ZFHX3: variants seen among roughly 807,000 people sequenced by gnomAD.
ZFHX3 encodes zinc finger homeobox protein 3.
A neutral mutation model predicts 279.1 loss-of-function variants in ZFHX3; 42 were observed. The observed-to-expected ratio is 0.15, with a 90% CI of 0.12 to 0.19. ZFHX3 has a LOEUF of 0.19. Ranked by LOEUF, ZFHX3 falls within the 10% of genes least tolerant of loss-of-function variation. The probability of loss-of-function intolerance (pLI) is 1.00; values close to 1 mark genes in which losing one functional copy is unlikely to be tolerated. For synonymous variants in ZFHX3, 2,293 were observed against 1,957.8 expected, an observed-to-expected ratio of 1.17 and a Z score of -4.52; for missense variants, 4,981 against 4,754.0, an observed-to-expected ratio of 1.05 and a Z score of -1.40.
chr16:73,055,678 A>ACGCGCG (rs141836776), intron 1 of ZFHX3, among the ~76,000 whole-genome samples: 1 of 117,272 alleles, frequency 8.5e-6, no homozygotes, highest in Admixed American at 8.1e-5. Context: ...GTGCAGACGT[A>ACGCGCG]CGCGCGCGCG....
intron 3 of ZFHX3, among the ~76,000 whole-genome samples, chr16:73,338,553 A>G (rs2015961819): frequency 6.6e-6 from 1 of 152,118 alleles, no homozygotes; most frequent in South Asian, 2.1e-4. Flanking sequence ...CTACAAACAG[A>G]CTACAGTATC....
chr16:73,765,008 A>G (rs1314597085), intron 1 of ZFHX3, among the ~76,000 whole-genome samples: 1 of 151,858 alleles, frequency 6.6e-6, no homozygotes, highest in Non-Finnish European at 1.5e-5. Flanking sequence ...TCCCATCCCC[A>G]TTTTTCTCTA....
At chr16:73,363,209 C>T (rs1403422171) in intron 3 of ZFHX3, among the ~76,000 whole-genome samples, 1 of 152,234 alleles carries the variant, frequency 6.6e-6, no homozygotes, top group Non-Finnish European at 1.5e-5. Context: ...GAGCCTGGCT[C>T]AGGGCAGCAG....
chr16:73,298,836 G>A (rs1250811212), intron 4 of ZFHX3, among the ~76,000 whole-genome samples: 1 of 152,196 alleles, frequency 6.6e-6, no homozygotes, highest in Non-Finnish European at 1.5e-5. Context: ...GTTACTGATA[G>A]TGATGCCTGA....
chr16:73,079,922 G>A (rs1162138666), intron 8 of ZFHX3, among the ~76,000 whole-genome samples: 1 of 152,088 alleles, frequency 6.6e-6, no homozygotes, highest in South Asian at 2.1e-4. Context: ...TGGTCTTAGT[G>A]TCACCTTGTG....
intron 5 of ZFHX3, among the ~76,000 whole-genome samples, chr16:73,207,912 G>A (rs1226833392): frequency 6.6e-6 from 1 of 152,168 alleles, no homozygotes; most frequent in Admixed American, 6.6e-5. Flanking sequence ...AGAGCCAAAT[G>A]TATGTCCGTG....
chr16:73,091,286 G>A (rs942945092), intron 8 of ZFHX3, among the ~76,000 whole-genome samples: 2 of 151,904 alleles, frequency 1.3e-5, no homozygotes, highest in African/African-American at 4.8e-5. Flanking sequence ...GCAGTGTCAC[G>A]CTTTTCCAAA....
intron 1 of ZFHX3, among the ~76,000 whole-genome samples, chr16:73,057,403 CAATA>C (rs1965579613): frequency 6.6e-6 from 1 of 152,078 alleles, no homozygotes; most frequent in South Asian, 2.1e-4. Flanking sequence ...ATCTACTCTC[CAATA>C]GATATGCAAA....
At chr16:72,929,202 C>T (rs1343607191) in intron 3 of ZFHX3, among the ~76,000 whole-genome samples, 2 of 150,322 alleles carry the variant, frequency 1.3e-5, no homozygotes, top group Non-Finnish European at 2.9e-5. Context: ...GGCGCCACTG[C>T]ACTCCAGCCT....
At chr16:73,390,993 T>C (rs1203355924) in intron 3 of ZFHX3, among the ~76,000 whole-genome samples, 1 of 151,730 alleles carries the variant, frequency 6.6e-6, no homozygotes, top group Admixed American at 6.6e-5. Context: ...TTTTTTTTTT[T>C]AAACCAGCTA....
At chr16:73,321,639 A>G (rs1049733064) in intron 3 of ZFHX3, among the ~76,000 whole-genome samples, 2 of 152,340 alleles carry the variant, frequency 1.3e-5, no homozygotes, top group African/African-American at 4.8e-5. Context: ...CAGCTTGGAC[A>G]TATTTATTCC....
chr16:73,200,866 C>T (rs150464581), intron 5 of ZFHX3, among the ~76,000 whole-genome samples: 49 of 152,290 alleles, frequency 3.2e-4, no homozygotes, highest in Middle Eastern at 3.4e-3. Flanking sequence ...TTACCTGTTA[C>T]GCTCATGATT....
chr16:73,640,626 A>T (rs1050678611), intron 2 of ZFHX3, among the ~76,000 whole-genome samples: 3 of 152,212 alleles, frequency 2.0e-5, no homozygotes, highest in Admixed American at 6.5e-5. Flanking sequence ...TAGGAAGATA[A>T]AATTGAAGAA....
At chr16:73,480,586 T>C (rs1041542880) in intron 2 of ZFHX3, among the ~76,000 whole-genome samples, 5 of 152,164 alleles carry the variant, frequency 3.3e-5, no homozygotes, top group African/African-American at 9.7e-5. Flanking sequence ...GTGCCTGGAA[T>C]GTTTGCAGTG....
At chr16:73,467,473 T>C (rs1269497383) in intron 2 of ZFHX3, among the ~76,000 whole-genome samples, 1 of 152,198 alleles carries the variant, frequency 6.6e-6, no homozygotes, top group Non-Finnish European at 1.5e-5. Flanking sequence ...AAGATGTAGG[T>C]AGCAGGGAAG....
At position 72,793,497 on chromosome 16, in the gene ZFHX3, T is replaced by G. The variant is rs2035786241; in HGVS notation, c.9185A>C (p.Lys3062Thr). The change falls in exon 9 of 10, where the codon AAG (lysine) becomes ACG (threonine). Residue 3062 changes from lysine (K) to threonine (T), a missense_variant. Lys to Thr is a moderately conservative substitution (Grantham distance 78). This residue lies in a region of ZFHX3 where 168 missense variants were observed against 249.1 expected (regional missense o/e 0.67). Transcript: ENST00000268489. This position sits in a 1 kb window ranked among gnomAD's most constrained non-coding sequence, Gnocchi z 4.3. ...VKDTIGSQLDKEKEYFDPATV... is the reference protein window; with the variant it reads ...VKDTIGSQLDTEKEYFDPATV... ...GGCTGGGTCAAAGTATTCTTTCTCC[T>G]TGTCCAGCTGGCTTCCAATGGTGTC... 6.2e-7 allele frequency: 1 copy of G among 1,614,104 alleles called. No homozygotes were observed. The highest frequency in any genetic ancestry group is 1.1e-5 in the South Asian group (1 of 91,090).
At chr16:73,532,698 A>G (rs1265986736) in intron 2 of ZFHX3, among the ~76,000 whole-genome samples, 2 of 151,716 alleles carry the variant, frequency 1.3e-5, no homozygotes, top group African/African-American at 4.8e-5. Context: ...TAATAATTGT[A>G]CTCACCTGAT....
intron 8 of ZFHX3, chr16:73,083,265 A>G (rs1398845720): frequency 6.6e-6 from 1 of 152,190 alleles, no homozygotes; most frequent in Admixed American, 6.5e-5. Flanking sequence ...AGTCAGCATA[A>G]CATGCAGATA....
chr16:72,903,342 G>A lies in ZFHX3; in HGVS notation c.3217-13380C>T, dbSNP rs183675844. 1.9e-4 allele frequency among the ~76,000 whole-genome samples: 29 copies of A among 152,268 alleles called. 1 individual carries two copies. Among genetic ancestry groups the A allele is most frequent in the Admixed American group, 1.6e-3 (25 of 15,292 alleles). Reference sequence around the variant, plus strand: ...CAAATTCTCAGACCCTGTCCAGATCGACAGAAACTCTAGGGATGGGGCCAG... The same window carrying A: ...CAAATTCTCAGACCCTGTCCAGATCAACAGAAACTCTAGGGATGGGGCCAG... On this transcript the variant is annotated intron_variant, in intron 3 of 9. Coordinates refer to ENST00000268489, the MANE Select transcript of ZFHX3 (RefSeq NM_006885.4).
Sources: allele counts gnomAD v4.1 joint callset (sites outside exome capture counted in the v4.1 genomes callset), GRCh38; gene constraint gnomAD v4.1.1; regional missense constraint gnomAD v4.1.1; non-coding constraint Gnocchi (gnomAD v3.1); transcripts MANE v1.5; gene names NCBI Gene and HGNC (gene_info 2026-07-23, HGNC 2026-07-21).